STX11: variants seen among roughly 807,000 people sequenced by gnomAD.
STX11 encodes the protein syntaxin 11, also known as syntaxin-11.
Under a neutral mutation model 19.9 loss-of-function variants are expected in STX11, and 21 were observed. The observed-to-expected ratio is 1.06, with a 90% CI of 0.75 to 1.52. The LOEUF is 1.52. STX11 is among the 40% of genes most tolerant of loss of function. The probability of loss-of-function intolerance (pLI) is 0.00; values close to 1 mark genes in which losing one functional copy is unlikely to be tolerated. For missense variants in STX11, 438 were observed against 405.9 expected (o/e 1.08, Z -0.68); for synonymous variants, 193 against 174.4 (o/e 1.11, Z -0.84).
Position 144,152,070 on chromosome 6 carries a change from C to G in STX11, c.-6+1367C>G, listed in dbSNP as rs538516020. The stretch of plus-strand genomic sequence containing the variant: ...ACCATGAATAATAGGATCCTGCCGG[C>G]AAGGTACTAGGGTAAATCTATACCC... On this transcript the variant is annotated intron_variant, in intron 1 of 1. Transcript: ENST00000367568. The surrounding 1 kb of genome is among the most constrained non-coding windows in gnomAD (Gnocchi z 4.9). 6.6e-6 allele frequency among the ~76,000 whole-genome samples: 1 copy of G among 152,084 alleles called. No individual in the cohort carries two copies. The highest frequency in any genetic ancestry group is 1.5e-5 in the Non-Finnish European group (1 of 68,012).
intron 1 of STX11, 121 bp downstream of exon 1, chr6:144,150,824 C>A: frequency 1.3e-6 from 1 of 782,594 alleles, no homozygotes; most frequent in Non-Finnish European, 1.6e-6. Context: ...CGCGGCTGTG[C>A]CTTAGGTGGG....
intron 1 of STX11, among the ~76,000 whole-genome samples, chr6:144,161,329 C>T (rs983564241): frequency 1.3e-5 from 2 of 152,064 alleles, no homozygotes; most frequent in Non-Finnish European, 2.9e-5. Flanking sequence ...GGAGGAAAAT[C>T]CTGTTTAGTC....
At chr6:144,140,211 T>TAA in the STX11 span, among the ~76,000 whole-genome samples, 32 of 24,820 alleles carry the variant, frequency 1.3e-3, no homozygotes, top group African/African-American at 6.4e-3. Flanking sequence ...TCAATTCACA[T>TAA]ATATATATAT....
chr6:144,187,418 G>A lies in STX11; in HGVS notation c.791G>A (p.Arg264Gln). ...ACCGGCCAGGCCAAGGCGCAGGTGC[G>A]GAAGGCCGTGCAGTACGAGGAGAAG... ...DYTGQAKAQV[R>Q]KAVQYEEKNP... The change falls in exon 2 of 2, where the codon CGG (arginine) becomes CAG (glutamine). Residue 264 changes from arginine to glutamine, a missense_variant. Physicochemically the swap from Arg to Gln is conservative, Grantham distance 43. Transcript: ENST00000367568. This position sits in a 1 kb window ranked among gnomAD's most constrained non-coding sequence, Gnocchi z 5.6. The A allele has an allele frequency of 1.2e-6, 2 of 1,611,770 alleles. No homozygotes were observed. The highest frequency in any genetic ancestry group is 8.5e-7 in the Non-Finnish European group (1 of 1,179,970).
At chr6:144,178,404 A>G (rs1403896474) in intron 1 of STX11, among the ~76,000 whole-genome samples, 1 of 152,242 alleles carries the variant, frequency 6.6e-6, no homozygotes, top group Non-Finnish European at 1.5e-5. Flanking sequence ...CCTACACAGG[A>G]GTAGCTGCTT....
At position 144,151,365 on chromosome 6, in the gene STX11, T is replaced by C. The variant is rs967082020; in HGVS notation, c.-6+662T>C. 1 of 985,338 alleles carries C rather than the reference T, an allele frequency of 1.0e-6. No homozygotes were observed. The highest frequency in any genetic ancestry group is 1.7e-5 in the African/African-American group (1 of 57,242). 61.0% of individuals were successfully genotyped at this position (985,338 alleles called of 1,614,324 possible). ...CTTCCTGTGGTTCTCACGCACTTGT[T>C]TCAGCCGTTTCTCAGCAGAGGGAGG... On this transcript the variant is annotated intron_variant, in intron 1 of 1. Coordinates refer to ENST00000367568, the MANE Select transcript of STX11 (RefSeq NM_003764.4). This position sits in a 1 kb window ranked among gnomAD's most constrained non-coding sequence, Gnocchi z 4.6.
At position 144,151,255 on chromosome 6, in the gene STX11, GGC is replaced by G. The variant is rs1282551154; in HGVS notation, c.-6+553_-6+554del. 16 of 985,296 alleles carry G rather than the reference GGC, an allele frequency of 1.6e-5. No individual in the cohort carries two copies. The highest frequency in any genetic ancestry group is 1.9e-5 in the Non-Finnish European group (16 of 829,928). The allele number at this position is 985,296 out of a possible 1,614,324, so 61.0% of individuals were successfully genotyped here. A position where few individuals can be genotyped will look rare whatever the true frequency, so the allele number is the denominator to read the frequency against. On this transcript the variant is annotated intron_variant, in intron 1 of 1. Transcript: ENST00000367568. This position sits in a 1 kb window ranked among gnomAD's most constrained non-coding sequence, Gnocchi z 4.6. ...TTTTAGAAACATGGAGAGAAGTAGT[GGC>G]AATGCCTGCGAGAGCCACGCCGTCC...
upstream of STX11, among the ~76,000 whole-genome samples, chr6:144,146,081 G>A (rs1011444810): frequency 6.6e-6 from 1 of 152,184 alleles, no homozygotes. This position sits in a 1 kb window ranked among gnomAD's most constrained non-coding sequence, Gnocchi z 4.4. Context: ...ACAGGGATAC[G>A]CAATGACTAT....
chr6:144,161,569 T>C (rs1801342842), intron 1 of STX11, among the ~76,000 whole-genome samples: 1 of 152,182 alleles, frequency 6.6e-6, no homozygotes, highest in Non-Finnish European at 1.5e-5. Context: ...GCTTTCACCA[T>C]GTTGATCAGG....
chr6:144,150,562 T>C lies in STX11; in HGVS notation c.-147T>C. 1.0e-6 allele frequency: 1 copy of C among 985,362 alleles called. No homozygotes were observed. The highest frequency in any genetic ancestry group is 1.2e-6 in the Non-Finnish European group (1 of 829,954). The allele number at this position is 985,362 out of a possible 1,614,324, so 61.0% of individuals were successfully genotyped here. A position where few individuals can be genotyped will look rare whatever the true frequency, so the allele number is the denominator to read the frequency against. ...GGAGCTCGGGCGGCCGTGGAGGAAC[T>C]CAGCCTCGGCCGCAGGAGGCGCCGG... On this transcript the variant is annotated 5_prime_UTR_variant, in exon 1 of 2. Coordinates refer to ENST00000367568, the MANE Select transcript of STX11 (RefSeq NM_003764.4).
chr6:144,150,737 T>C (rs1800982923), intron 1 of STX11, 34 bp downstream of exon 1: 3 of 942,762 alleles, frequency 3.2e-6, no homozygotes, highest in Non-Finnish European at 3.8e-6. Context: ...CCCATTTCTC[T>C]TCCTGACTAT....
chr6:144,177,162 A>G lies in STX11; in HGVS notation c.-5-9461A>G, dbSNP rs1252203811. Among the ~76,000 whole-genome samples the G allele has an allele frequency of 6.6e-6, 1 of 152,246 alleles. No homozygotes were observed. Among genetic ancestry groups the G allele is most frequent in the Non-Finnish European group, 1.5e-5 (1 of 68,044 alleles). On this transcript the variant is annotated intron_variant, in intron 1 of 1. Coordinates refer to ENST00000367568, the MANE Select transcript of STX11 (RefSeq NM_003764.4). This position sits in a 1 kb window ranked among gnomAD's most constrained non-coding sequence, Gnocchi z 4.4. ...GAAACTCCATGGATTTCTCCCTTTC[A>G]AAGATACTTCATGGAATAGTTACAA... is the stretch of plus-strand genomic sequence containing the variant.
chr6:144,163,617 A>T (rs4896700), intron 1 of STX11, among the ~76,000 whole-genome samples: 30,425 of 151,942 alleles, frequency 0.2, 5,922 homozygotes, highest in East Asian at 0.59. Context: ...TAGCTGAGAT[A>T]ACAGGCACCT....
In STX11 at chr6:144,182,925, C is replaced by G. The variant is rs1328181559; in HGVS notation, c.-5-3698C>G. On this transcript the variant is annotated intron_variant, in intron 1 of 1. Coordinates refer to ENST00000367568, the MANE Select transcript of STX11 (RefSeq NM_003764.4). The surrounding 1 kb of genome is among the most constrained non-coding windows in gnomAD (Gnocchi z 4.8). ...CATGGTAGACTATATTGGGTACTAA[C>G]TTAAGCAGATGGGTACAGCTCAACT... is the stretch of plus-strand genomic sequence containing the variant. Among the ~76,000 whole-genome samples, 1 of 152,236 alleles carries G rather than the reference C, an allele frequency of 6.6e-6. No individual in the cohort carries two copies.
the STX11 span, among the ~76,000 whole-genome samples, chr6:144,145,070 A>G: frequency 2.6e-5 from 4 of 152,230 alleles, no homozygotes; most frequent in African/African-American, 9.6e-5. Flanking sequence ...AAATGAAAGC[A>G]GGGACTCAAA....
chr6:144,174,433 GATCTT>G lies in STX11; in HGVS notation c.-5-12188_-5-12184del. Among the ~76,000 whole-genome samples the G allele has an allele frequency of 2.0e-5, 3 of 152,206 alleles. No individual in the cohort carries two copies. In the East Asian group the frequency reaches 5.8e-4, roughly 29 times the overall value. ...CATCCAGGCTGGAGTGCAGTGGTGT[GATCTT>G]AGCTTACTGCAACCTCTGCATCCCA... is the stretch of plus-strand genomic sequence containing the variant. On this transcript the variant is annotated intron_variant, in intron 1 of 1. Transcript: ENST00000367568. This position sits in a 1 kb window ranked among gnomAD's most constrained non-coding sequence, Gnocchi z 5.3.
rs138432215 is a variant in STX11, at chr6:144,160,539, G to T, written c.-6+9836G>T. Among the ~76,000 whole-genome samples the T allele has an allele frequency of 2.4e-4, 37 of 152,260 alleles. 1 individual carries two copies. In the East Asian group the frequency reaches 7.1e-3, roughly 29 times the overall value. On this transcript the variant is annotated intron_variant, in intron 1 of 1. Coordinates refer to ENST00000367568, the MANE Select transcript of STX11 (RefSeq NM_003764.4). This position sits in a 1 kb window ranked among gnomAD's most constrained non-coding sequence, Gnocchi z 4.3. ...GTTCTCTAGTAAGAACCTATTTCTTGTTTAACCTGACATCACAAAGCAAAT... is the reference window on the plus strand; with the variant it reads ...GTTCTCTAGTAAGAACCTATTTCTTTTTTAACCTGACATCACAAAGCAAAT...
In STX11 at chr6:144,172,005, A is replaced by T. The variant is rs372422441; in HGVS notation, c.-5-14618A>T. On this transcript the variant is annotated intron_variant, in intron 1 of 1. Transcript: ENST00000367568. The surrounding 1 kb of genome is among the most constrained non-coding windows in gnomAD (Gnocchi z 4.2). Reference sequence around the variant, plus strand: ...ATGTTTGTGTTTTAAAATCATAACAATAAACTTTTGTTTTAAATGCACGAG... The same window carrying T: ...ATGTTTGTGTTTTAAAATCATAACATTAAACTTTTGTTTTAAATGCACGAG... Among the ~76,000 whole-genome samples, 2 of 152,216 alleles carry T rather than the reference A, an allele frequency of 1.3e-5. No homozygotes were observed. The highest frequency in any genetic ancestry group is 4.8e-5 in the African/African-American group (2 of 41,454).
the STX11 span, among the ~76,000 whole-genome samples, chr6:144,142,949 G>A: frequency 6.6e-6 from 1 of 152,146 alleles, no homozygotes; most frequent in African/African-American, 2.4e-5. Flanking sequence ...CTCAAGGTGA[G>A]GGATACCCCA....
Sources: gnomAD v4.1 joint callset for allele counts (sites outside exome capture counted in the v4.1 genomes callset) on GRCh38, gnomAD v4.1.1 for gene constraint, Gnocchi (gnomAD v3.1) non-coding constraint, MANE v1.5 for transcripts, NCBI Gene and HGNC (gene_info 2026-07-23, HGNC 2026-07-21) for gene names.